The following TMEM254 variants were observed in gnomAD, a reference collection of about 807,000 sequenced individuals.
TMEM254 encodes the protein transmembrane protein C10orf57.
In TMEM254, 16 loss-of-function variants were observed where a neutral mutation model predicts 13.9. The ratio of observed to expected loss-of-function variants is 1.15; its 90% CI spans 0.78 to 1.75. The LOEUF (loss-of-function observed/expected upper bound fraction) is 1.75. Ranked by LOEUF, TMEM254 falls within the 40% of genes most tolerant of loss-of-function variation. The pLI is 0.00. For missense variants in TMEM254, 155 were observed against 149.0 expected (o/e 1.04, Z -0.21); for synonymous variants, 61 against 56.4 (o/e 1.08, Z -0.36).
intron 3 of TMEM254, among the ~76,000 whole-genome samples, chr10:80,085,546 G>A (rs1392166160): frequency 6.6e-6 from 1 of 150,600 alleles, no homozygotes; most frequent in East Asian, 2.0e-4. Context: ...TAGCCTGGGC[G>A]ACAAAGTGAG....
At chr10:80,087,765 C>T (rs1844386226) in intron 3 of TMEM254, among the ~76,000 whole-genome samples, 1 of 152,128 alleles carries the variant, frequency 6.6e-6, no homozygotes, top group South Asian at 2.1e-4. Context: ...GCCCATTTCC[C>T]CACAATCTCA....
chr10:80,087,619 C>T (rs1844379359), intron 3 of TMEM254, among the ~76,000 whole-genome samples: 1 of 152,134 alleles, frequency 6.6e-6, no homozygotes, highest in Admixed American at 6.5e-5. Flanking sequence ...CACCACTGCA[C>T]TCTAGCCTGG....
At chr10:80,078,940 C>A in intron 1 of TMEM254, 154 bp downstream of exon 1, 6 of 1,527,018 alleles carry the variant, frequency 3.9e-6, no homozygotes, top group Non-Finnish European at 5.3e-6. Flanking sequence ...GACCAGACTC[C>A]GCAATGAGAG....
At position 80,092,105 on chromosome 10, in the gene TMEM254, A is replaced by G. The variant is rs1292612195; in HGVS notation, c.*1188A>G. On this transcript the variant is annotated 3_prime_UTR_variant, in exon 4 of 4. Coordinates refer to ENST00000372281, the MANE Select transcript of TMEM254 (RefSeq NM_025125.4). ...GGGGAGGCAGAATGACTCTGTCACC[A>G]CTAGGAGCCATTAGGGCTTCTTCCC... is the stretch of plus-strand genomic sequence containing the variant. The G allele has an allele frequency of 6.6e-6, 1 of 152,190 alleles. No homozygotes were observed. The highest frequency in any genetic ancestry group is 6.6e-5 in the Admixed American group (1 of 15,264). 9.4% of individuals were successfully genotyped at this position (152,190 alleles called of 1,614,324 possible).
intron 3 of TMEM254, among the ~76,000 whole-genome samples, chr10:80,090,004 CAAAA>C (rs376006872): frequency 4.7e-5 from 4 of 85,198 alleles, no homozygotes; most frequent in Non-Finnish European, 5.0e-5. Context: ...GACTCCATCT[CAAAA>C]AAAAAAAAAA....
chr10:80,082,611 C>T (rs1384207115), intron 3 of TMEM254, among the ~76,000 whole-genome samples: 1 of 152,148 alleles, frequency 6.6e-6, no homozygotes, highest in African/African-American at 2.4e-5. Context: ...ATACACACGT[C>T]TGGTTTCCAG....
chr10:80,088,561 G>A (rs529679843), intron 3 of TMEM254, among the ~76,000 whole-genome samples: 3 of 150,790 alleles, frequency 2.0e-5, no homozygotes, highest in African/African-American at 7.3e-5. Flanking sequence ...TAATTTTTAA[G>A]AGGTTTTACA....
intron 3 of TMEM254, among the ~76,000 whole-genome samples, chr10:80,084,050 A>C (rs569027317): frequency 6.6e-6 from 1 of 152,118 alleles, no homozygotes; most frequent in East Asian, 1.9e-4. Context: ...GCACCACTGC[A>C]CTCTAGCCTG....
chr10:80,083,083 TTTA>T (rs1471649902), intron 3 of TMEM254, among the ~76,000 whole-genome samples: 2 of 151,752 alleles, frequency 1.3e-5, no homozygotes, highest in Non-Finnish European at 2.9e-5. Context: ...TGTTTTCTTG[TTTA>T]TTAAACAAAT....
Position 80,090,876 on chromosome 10 carries a change from A to T in TMEM254, c.331A>T (p.Ile111Phe). ...TFFFGIASLT[I>F]LIAYKRKRQK... ...CTTCTTTGGGATAGCGTCTCTCACC[A>T]TCTTGATTGCTTACAAACGGAAGCG... The change falls in exon 4 of 4, where the codon ATC (isoleucine) becomes TTC (phenylalanine). Residue 111 changes from isoleucine to phenylalanine, a missense_variant. By Grantham distance (21) the Ile-to-Phe change is conservative (BLOSUM62 0). Coordinates refer to ENST00000372281, the MANE Select transcript of TMEM254 (RefSeq NM_025125.4). 1 of 1,614,048 alleles carries T rather than the reference A, an allele frequency of 6.2e-7. No individual in the cohort carries two copies. The highest frequency in any genetic ancestry group is 8.5e-7 in the Non-Finnish European group (1 of 1,179,984).
chr10:80,088,331 G>A (rs1058216), intron 3 of TMEM254, among the ~76,000 whole-genome samples: 98,154 of 151,860 alleles, frequency 0.65, 31,835 homozygotes, highest in South Asian at 0.76. Flanking sequence ...TGCATATTCT[G>A]TGCATTGTCT....
rs1399567671 is a variant in TMEM254, at chr10:80,091,048, C to T, written c.*131C>T. ...AACTGTCCTTCAAAGCTCTTTAAGA[C>T]CCCCTCGTTAGTCAGTTTTTTCTCT... On this transcript the variant is annotated 3_prime_UTR_variant, in exon 4 of 4. Transcript: ENST00000372281. 4.1e-5 allele frequency: 50 copies of T among 1,211,280 alleles called. No homozygotes were observed. The highest frequency in any genetic ancestry group is 5.3e-5 in the Non-Finnish European group (47 of 879,666). 75.0% of individuals were successfully genotyped at this position (1,211,280 alleles called of 1,614,324 possible). A position where few individuals can be genotyped will look rare whatever the true frequency, so the allele number is the denominator to read the frequency against.
intron 1 of TMEM254, 176 bp from the exon 2 acceptor site, chr10:80,081,665 C>CA (rs113172526): frequency 0.11 from 149,543 of 1,402,784 alleles, 3,936 homozygotes; most frequent in Admixed American, 0.22. Context: ...GAGACCCTGT[C>CA]AAAAAAAAAA....
At chr10:80,082,358 C>CAGT in intron 3 of TMEM254, 154 bp downstream of exon 3, 1 of 761,168 alleles carries the variant, frequency 1.3e-6, no homozygotes, top group Non-Finnish European at 2.2e-6. Context: ...GGAGCAGAGG[C>CAGT]AGTACCCAGT....
chr10:80,087,291 C>T (rs1158043033), intron 3 of TMEM254, among the ~76,000 whole-genome samples: 1 of 152,104 alleles, frequency 6.6e-6, no homozygotes, highest in Non-Finnish European at 1.5e-5. Flanking sequence ...ATTTGTCCCA[C>T]TTTGGTATTT....
chr10:80,080,885 G>A (rs551106064), intron 1 of TMEM254, among the ~76,000 whole-genome samples: 1 of 152,100 alleles, frequency 6.6e-6, no homozygotes, highest in African/African-American at 2.4e-5. Flanking sequence ...TTGGAGATCA[G>A]CCTGGCCAAC....
intron 1 of TMEM254, chr10:80,079,177 A>T (rs1224200437): frequency 1.6e-6 from 2 of 1,275,442 alleles, no homozygotes; most frequent in Admixed American, 4.8e-5. Flanking sequence ...GGGCTGGGCT[A>T]CTTCGCGGTG....
rs1043340898 is a variant in TMEM254, at chr10:80,079,924, A to G, written c.87+1138A>G. ...GGCTGGCCTCGAACTCCTAACGTCA[A>G]GTGATAAGGTGGTAAAATTTTGAAG... On this transcript the variant is annotated intron_variant, in intron 1 of 3. Transcript: ENST00000372281. 6.6e-6 allele frequency among the ~76,000 whole-genome samples: 1 copy of G among 152,338 alleles called. No individual in the cohort carries two copies. Among genetic ancestry groups the G allele is most frequent in the African/African-American group, 2.4e-5 (1 of 41,582 alleles).
At chr10:80,089,679 G>A (rs1488411428) in intron 3 of TMEM254, among the ~76,000 whole-genome samples, 1 of 65,036 alleles carries the variant, frequency 1.5e-5, no homozygotes, top group African/African-American at 4.7e-5. Context: ...CCCCATCTCT[G>A]GGGGGGTTGG....
Sources: allele counts gnomAD v4.1 joint callset (sites outside exome capture counted in the v4.1 genomes callset), GRCh38; gene constraint gnomAD v4.1.1; transcripts MANE v1.5; gene names NCBI Gene and HGNC (gene_info 2026-07-23, HGNC 2026-07-21).